The following TENM3 variants were observed in gnomAD, a reference collection of about 807,000 sequenced individuals.
The protein encoded by TENM3 is teneurin transmembrane protein 3.
Under a neutral mutation model 255.1 loss-of-function variants are expected in TENM3, and 63 were observed. The observed-to-expected ratio is 0.25, with a 90% confidence interval of 0.20 to 0.30. TENM3 has a LOEUF of 0.30. Among genes scored for constraint, TENM3 ranks in the 10% least tolerant of loss-of-function variants. The pLI, the probability that TENM3 is intolerant of heterozygous loss-of-function variation, is 1.00. For synonymous variants in TENM3, 1,306 were observed against 1,322.3 expected, an observed-to-expected ratio of 0.99 and a Z score of 0.27; for missense variants, 2,929 against 3,461.1, an observed-to-expected ratio of 0.85 and a Z score of 3.86.
intron 3 of TENM3, among the ~76,000 whole-genome samples, chr4:182,518,369 G>A (rs958542600): frequency 2.0e-5 from 3 of 152,130 alleles, no homozygotes; most frequent in African/African-American, 7.2e-5. Context: ...TATGTTATAT[G>A]GGAAAGGGGT....
intron 3 of TENM3, among the ~76,000 whole-genome samples, chr4:182,564,024 C>A (rs1743498749): frequency 6.6e-6 from 1 of 152,164 alleles, no homozygotes; most frequent in South Asian, 2.1e-4. Flanking sequence ...CTTGATTTTA[C>A]TAAAACATTG....
At chr4:182,776,452 C>G (rs1764698552) in intron 24 of TENM3, among the ~76,000 whole-genome samples, 1 of 152,046 alleles carries the variant, frequency 6.6e-6, no homozygotes. Flanking sequence ...ATTCCCTGAC[C>G]CTAACGCAGA....
intron 13 of TENM3, among the ~76,000 whole-genome samples, chr4:182,721,419 C>G (rs1382799054): frequency 2.6e-5 from 4 of 152,134 alleles, no homozygotes; most frequent in African/African-American, 9.7e-5. Context: ...AGGCCCATCT[C>G]ATTCTTTACA....
intron 6 of TENM3, among the ~76,000 whole-genome samples, chr4:182,656,841 A>C (rs978561283): frequency 6.6e-6 from 1 of 152,176 alleles, no homozygotes; most frequent in Non-Finnish European, 1.5e-5. Flanking sequence ...AAGCTTCTAA[A>C]TGGTATTTAG....
the TENM3 span, among the ~76,000 whole-genome samples, chr4:182,127,275 T>C: frequency 6.6e-6 from 1 of 152,222 alleles, no homozygotes; most frequent in South Asian, 2.1e-4. Flanking sequence ...ATCCTGTGTA[T>C]AACTTTCATA....
At chr4:181,960,595 T>A in the TENM3 span, among the ~76,000 whole-genome samples, 220 of 152,284 alleles carry the variant, frequency 1.4e-3, no homozygotes, top group African/African-American at 5.0e-3. Context: ...CAACTGAGCA[T>A]GGAAACTCAA....
At chr4:181,780,444 G>T in the TENM3 span, among the ~76,000 whole-genome samples, 659 of 152,326 alleles carry the variant, frequency 4.3e-3, 8 homozygotes, top group African/African-American at 0.015. Context: ...TCTTTTAGAA[G>T]TGTCTGTTAA....
At chr4:182,462,868 C>T (rs577099406) in intron 3 of TENM3, among the ~76,000 whole-genome samples, 4 of 148,172 alleles carry the variant, frequency 2.7e-5, no homozygotes, top group Non-Finnish European at 6.0e-5. Flanking sequence ...GCCTGAGTGA[C>T]AGGGTGAGAC....
chr4:181,768,511 T>A, the TENM3 span, among the ~76,000 whole-genome samples: 4 of 152,246 alleles, frequency 2.6e-5, no homozygotes, highest in African/African-American at 9.6e-5. Context: ...AAAATTGCAA[T>A]TATTCAACAA....
At chr4:181,723,695 G>A in the TENM3 span, among the ~76,000 whole-genome samples, 1 of 151,826 alleles carries the variant, frequency 6.6e-6, no homozygotes, top group African/African-American at 2.4e-5. Context: ...AAGTTCTTAA[G>A]TTTCACAGTG....
chr4:181,988,003 G>A, the TENM3 span, among the ~76,000 whole-genome samples: 5 of 152,058 alleles, frequency 3.3e-5, no homozygotes, highest in African/African-American at 1.2e-4. Flanking sequence ...AAGTGGGGTA[G>A]GGGGTTAAAT....
the TENM3 span, among the ~76,000 whole-genome samples, chr4:181,572,714 C>T: frequency 0.3 from 46,141 of 152,114 alleles, 7,196 homozygotes; most frequent in Middle Eastern, 0.4. Flanking sequence ...TCAGCTCAAG[C>T]ATTTGTCATT....
At chr4:182,605,485 T>TAAAA (rs10676569) in intron 4 of TENM3, among the ~76,000 whole-genome samples, 1 of 142,498 alleles carries the variant, frequency 7.0e-6, no homozygotes, top group Non-Finnish European at 1.5e-5. Flanking sequence ...ATCATTTATT[T>TAAAA]AAAAAAAAAA....
chr4:182,534,754 GAAC>G (rs1740124248), intron 3 of TENM3, among the ~76,000 whole-genome samples: 1 of 152,170 alleles, frequency 6.6e-6, no homozygotes, highest in Non-Finnish European at 1.5e-5. Context: ...CAGAGATATT[GAAC>G]AACTTGCCCA....
chr4:181,966,210 G>A, the TENM3 span, among the ~76,000 whole-genome samples: 3,033 of 152,242 alleles, frequency 0.02, 98 homozygotes, highest in African/African-American at 0.069. Context: ...GTGACTGGAT[G>A]TTGTGGAGAG....
At chr4:182,743,052 A>G in intron 18 of TENM3, 118 bp from the exon 19 acceptor site, 1 of 1,075,118 alleles carries the variant, frequency 9.3e-7, no homozygotes, top group Non-Finnish European at 1.3e-6. Context: ...TCAAATAAGA[A>G]TGTCTTAATC....
chr4:181,822,324 A>G, the TENM3 span, among the ~76,000 whole-genome samples: 4 of 152,208 alleles, frequency 2.6e-5, no homozygotes, highest in Non-Finnish European at 4.4e-5. Flanking sequence ...TTGATACTTT[A>G]AAATCCTCAA....
At chr4:181,831,724 C>T in the TENM3 span, among the ~76,000 whole-genome samples, 1 of 152,118 alleles carries the variant, frequency 6.6e-6, no homozygotes, top group Non-Finnish European at 1.5e-5. Context: ...AGAACAGATT[C>T]TGCAGGAGTG....
the TENM3 span, among the ~76,000 whole-genome samples, chr4:182,057,404 T>C: frequency 6.8e-6 from 1 of 147,528 alleles, no homozygotes; most frequent in Non-Finnish European, 1.5e-5. Flanking sequence ...TTTTCTTTTC[T>C]TTTCTTTTTT....
Sources: allele counts gnomAD v4.1 joint callset (sites outside exome capture counted in the v4.1 genomes callset), GRCh38; gene constraint gnomAD v4.1.1; transcripts MANE v1.5; gene names NCBI Gene and HGNC (gene_info 2026-07-23, HGNC 2026-07-21).